LONRF1: variants seen among roughly 807,000 people sequenced by gnomAD.
LONRF1 encodes the protein LON peptidase N-terminal domain and RING finger protein 1.
A neutral mutation model predicts 85.8 loss-of-function variants in LONRF1; 37 were observed. That is an observed-to-expected ratio of 0.43 (90% CI 0.33 to 0.57). The LOEUF (loss-of-function observed/expected upper bound fraction) is 0.57. Ranked by LOEUF, LONRF1 falls within the 20% of genes least tolerant of loss-of-function variation. LONRF1 has a pLI of 0.04. For missense variants in LONRF1, 1,036 were observed against 978.0 expected (o/e 1.06, Z -0.79); for synonymous variants, 517 against 390.1 (o/e 1.33, Z -3.83).
chr8:12,738,456 T>C (rs1405711759), intron 3 of LONRF1, among the ~76,000 whole-genome samples: 1 of 152,210 alleles, frequency 6.6e-6, no homozygotes, highest in Non-Finnish European at 1.5e-5. Flanking sequence ...ACATATTAAA[T>C]ATTTATCTCT....
At chr8:12,735,630 A>G (rs898020867) in intron 6 of LONRF1, 2 of 479,462 alleles carry the variant, frequency 4.2e-6, no homozygotes, top group African/African-American at 3.9e-5. Flanking sequence ...AAGGGCCTAG[A>G]GCTGTCCTGA....
rs762431173 is a variant in LONRF1, at chr8:12,723,142, T to C, written c.2276A>G (p.Lys759Arg). The C allele has an allele frequency of 2.5e-6, 4 of 1,614,180 alleles. No individual in the cohort carries two copies. Among genetic ancestry groups the C allele is most frequent in the Non-Finnish European group, 3.4e-6 (4 of 1,180,008 alleles). ...AAAATAGGTCAGTATATGCTGTATC[T>C]TGGTCAACCGTTCTTTCAAAGACTT... Reference protein sequence around the residue: ...SMKSLKERLTKIQHILTYFSR... With the variant: ...SMKSLKERLTRIQHILTYFSR... Residue 759 changes from lysine to arginine, a missense_variant, in exon 12 of 12, where the codon AAG becomes AGG. Lys to Arg is a conservative substitution (Grantham distance 26). This residue lies in a region of LONRF1 where 265 missense variants were observed against 301.5 expected (regional missense o/e 0.88). Coordinates refer to ENST00000398246, the MANE Select transcript of LONRF1 (RefSeq NM_152271.5).
intron 1 of LONRF1, among the ~76,000 whole-genome samples, chr8:12,750,785 A>G (rs1799351777): frequency 6.6e-6 from 1 of 152,228 alleles, no homozygotes; most frequent in South Asian, 2.1e-4. Flanking sequence ...TAAAATCGGG[A>G]TGTAATTGTT....
chr8:12,747,629 G>C (rs1799214876), intron 1 of LONRF1, among the ~76,000 whole-genome samples: 1 of 152,108 alleles, frequency 6.6e-6, no homozygotes, highest in Non-Finnish European at 1.5e-5. Flanking sequence ...AGGCAGAAAA[G>C]GTTTAAAGAA....
At position 12,755,382 on chromosome 8, in the gene LONRF1, C is replaced by G. The variant is rs1285564940; in HGVS notation, c.39G>C (p.Gly13=). The change falls in exon 1 of 12, where the codon GGG becomes GGC. Residue 13 remains glycine, a synonymous_variant. Coordinates refer to ENST00000398246, the MANE Select transcript of LONRF1 (RefSeq NM_152271.5). ...GCGGCGCTGGGGCCATCTCCCGACT[C>G]CCTCCTGGGGAGGTCCTCGCCACCG... ...SPAVARTSPG[G]SREMAPAPQG... The G allele has an allele frequency of 8.3e-7, 1 of 1,199,116 alleles. No individual in the cohort carries two copies. Among genetic ancestry groups the G allele is most frequent in the South Asian group, 3.2e-5 (1 of 31,252 alleles). The allele number at this position is 1,199,116 out of a possible 1,614,324, so 74.3% of individuals were successfully genotyped here.
chr8:12,731,129 C>G (rs972224598), intron 8 of LONRF1, among the ~76,000 whole-genome samples: 3 of 152,146 alleles, frequency 2.0e-5, no homozygotes, highest in African/African-American at 7.2e-5. Flanking sequence ...ATGCCTGGCC[C>G]TGCCTACCCA....
chr8:12,755,378 G>C lies in LONRF1; in HGVS notation c.43C>G (p.Arg15Gly), dbSNP rs1211749269. 8.3e-7 allele frequency: 1 copy of C among 1,201,818 alleles called. No homozygotes were observed. The highest frequency in any genetic ancestry group is 1.0e-6 in the Non-Finnish European group (1 of 967,632). 74.4% of individuals were successfully genotyped at this position (1,201,818 alleles called of 1,614,324 possible). ...CCCTGCGGCGCTGGGGCCATCTCCC[G>C]ACTCCCTCCTGGGGAGGTCCTCGCC... The part of the protein sequence containing the change: ...AVARTSPGGS[R>G]EMAPAPQGRG... Residue 15 changes from arginine (R) to glycine (G), a missense_variant, in exon 1 of 12, where the codon CGG (arginine) becomes GGG (glycine). By Grantham distance (125) the Arg-to-Gly change is moderately radical. Around this residue, in one of 3 missense-constraint regions of LONRF1, gnomAD observed 742 missense variants for 614.4 expected, o/e 1.21. Transcript: ENST00000398246.
At chr8:12,751,301 T>TTTTTGTTTTGTTTTG (rs1563160577) in intron 1 of LONRF1, among the ~76,000 whole-genome samples, 1 of 89,282 alleles carries the variant, frequency 1.1e-5, no homozygotes, top group East Asian at 3.7e-4. Context: ...TTTATGTTTT[T>TTTTTGTTTTGTTTTG]TTTTTTTTTT....
In LONRF1 at chr8:12,751,296, G is replaced by GTTTT. The variant is rs869038024; in HGVS notation, c.721+3400_721+3403dup. Among the ~76,000 whole-genome samples the GTTTT allele has an allele frequency of 4.3e-3, 301 of 69,520 alleles. 7 individuals carry two copies. Among genetic ancestry groups the GTTTT allele is most frequent in the Middle Eastern group, 0.011 (1 of 88 alleles). 45.6% of individuals were successfully genotyped at this position (69,520 alleles called of 152,430 possible). The stretch of plus-strand genomic sequence containing the variant: ...TCAAGGATTATATTTTTATTTTTAT[G>GTTTT]TTTTTTTTTTTTTTTTTTTTTTTTG... On this transcript the variant is annotated intron_variant, in intron 1 of 11. Coordinates refer to ENST00000398246, the MANE Select transcript of LONRF1 (RefSeq NM_152271.5).
intron 1 of LONRF1, among the ~76,000 whole-genome samples, chr8:12,747,762 T>C (rs1189051835): frequency 9.7e-4 from 147 of 152,228 alleles, no homozygotes; most frequent in African/African-American, 3.4e-3. Context: ...CTCTCTTTTT[T>C]TTTTTTTTTT....
intron 1 of LONRF1, 55 bp from the exon 2 acceptor site, chr8:12,743,337 C>CTTT: frequency 4.7e-6 from 5 of 1,062,532 alleles, no homozygotes; most frequent in South Asian, 1.4e-5. Flanking sequence ...ATTACATAAT[C>CTTT]TACAAAATAT....
In LONRF1 at chr8:12,754,574, G is replaced by GCCAGCGGC. The variant is rs988602986; in HGVS notation, c.721+118_721+125dup. 3.5e-5 allele frequency: 37 copies of GCCAGCGGC among 1,049,596 alleles called. 1 individual carries two copies. Among genetic ancestry groups the GCCAGCGGC allele is most frequent in the South Asian group, 4.3e-5 (1 of 23,502 alleles). 65.0% of individuals were successfully genotyped at this position (1,049,596 alleles called of 1,614,324 possible). On this transcript the variant is annotated intron_variant, in intron 1 of 11. Transcript: ENST00000398246. ...CCCCCAGCACCCCGAGACCCGACAC[G>GCCAGCGGC]CCAGCGGCCCAGCGGCCCCGGGGAA...
chr8:12,736,405 C>G (rs1315093509), intron 6 of LONRF1, among the ~76,000 whole-genome samples: 1 of 152,116 alleles, frequency 6.6e-6, no homozygotes, highest in Non-Finnish European at 1.5e-5. Flanking sequence ...CTATAACTTT[C>G]TTAGTACTTT....
At chr8:12,733,638 T>C (rs1191776461) in intron 7 of LONRF1, among the ~76,000 whole-genome samples, 2 of 152,138 alleles carry the variant, frequency 1.3e-5, no homozygotes, top group Non-Finnish European at 2.9e-5. Context: ...CATAAAATCA[T>C]TCATTTTAAA....
intron 1 of LONRF1, among the ~76,000 whole-genome samples, chr8:12,745,346 C>G (rs1334198994): frequency 7.5e-6 from 1 of 133,126 alleles, no homozygotes; most frequent in Non-Finnish European, 1.6e-5. Flanking sequence ...AAAAAAAAAA[C>G]CAACCCCATC....
chr8:12,739,841 C>T (rs1798861835), intron 3 of LONRF1, among the ~76,000 whole-genome samples: 1 of 152,132 alleles, frequency 6.6e-6, no homozygotes, highest in Non-Finnish European at 1.5e-5. Context: ...AGTCAGAAAA[C>T]AGACAATAGT....
chr8:12,753,505 T>G (rs1303771993), intron 1 of LONRF1: 1 of 152,176 alleles, frequency 6.6e-6, no homozygotes, highest in Non-Finnish European at 1.5e-5. Flanking sequence ...GTTGTGGGAA[T>G]CCTGCTGTGC....
chr8:12,743,325 T>A, intron 1 of LONRF1, 43 bp from the exon 2 acceptor site: 1 of 1,155,098 alleles, frequency 8.7e-7, no homozygotes, highest in Non-Finnish European at 1.3e-6. Flanking sequence ...TTTTAAAAGA[T>A]TATTACATAA....
intron 2 of LONRF1, among the ~76,000 whole-genome samples, chr8:12,741,563 T>C (rs907445834): frequency 1.3e-5 from 2 of 152,142 alleles, no homozygotes; most frequent in African/African-American, 4.8e-5. Context: ...AGAAATACCA[T>C]GTCCCCACAA....
Sources: gnomAD v4.1 joint callset for allele counts (sites outside exome capture counted in the v4.1 genomes callset) on GRCh38, gnomAD v4.1.1 for gene constraint, gnomAD v4.1.1 regional missense constraint, MANE v1.5 for transcripts, NCBI Gene and HGNC (gene_info 2026-07-23, HGNC 2026-07-21) for gene names.